Variants in EIF4G3 observed in about 807,000 individuals in gnomAD.
EIF4G3 encodes the protein eukaryotic translation initiation factor 4 gamma 3, also known as eIF-4-gamma 3.
Under a neutral mutation model 186.4 loss-of-function variants are expected in EIF4G3, and 34 were observed. The ratio of observed to expected loss-of-function variants is 0.18; its 90% CI spans 0.14 to 0.24. The LOEUF (loss-of-function observed/expected upper bound fraction) is 0.24, where lower values mean the gene tolerates loss of function less well. Among genes scored for constraint, EIF4G3 ranks in the 10% least tolerant of loss-of-function variants. EIF4G3 has a pLI of 1.00. For synonymous variants in EIF4G3, 673 were observed against 679.5 expected, an observed-to-expected ratio of 0.99 and a Z score of 0.15; for missense variants, 1,536 against 1,948.5, an observed-to-expected ratio of 0.79 and a Z score of 3.99.
intron 20 of EIF4G3, 58 bp downstream of exon 20, chr1:20,879,265 G>A: frequency 7.4e-7 from 1 of 1,360,460 alleles, no homozygotes; most frequent in South Asian, 1.7e-5. Context: ...AGAATGTGTA[G>A]TGAGGGGAGA....
rs1012133672 is a variant in EIF4G3 at position 20,806,806 on chromosome 1, A to T, written c.*513T>A. 1.3e-5 allele frequency: 2 copies of T among 152,382 alleles called. No homozygotes were observed. The highest frequency in any genetic ancestry group is 4.8e-5 in the African/African-American group (2 of 41,400). The allele number at this position is 152,382 out of a possible 1,614,324, so 9.4% of individuals were successfully genotyped here. A position where few individuals can be genotyped will look rare whatever the true frequency, so the allele number is the denominator to read the frequency against. On this transcript the variant is annotated 3_prime_UTR_variant, in exon 37 of 37. Transcript: ENST00000602326. ...AAGATTTGATGCCAAAAAAAAAAAA[A>T]TCTTTCTTACCTTGTTCACCCCAAA...
chr1:21,130,167 T>A (rs989763201), intron 2 of EIF4G3, among the ~76,000 whole-genome samples: 10 of 149,580 alleles, frequency 6.7e-5, no homozygotes, highest in Non-Finnish European at 1.0e-4. Context: ...GAGGATCACA[T>A]GAGCCCAAGA....
At chr1:20,908,945 T>A (rs559560614) in intron 14 of EIF4G3, among the ~76,000 whole-genome samples, 1 of 152,052 alleles carries the variant, frequency 6.6e-6, no homozygotes, top group East Asian at 1.9e-4. Flanking sequence ...AGGTCAAGAG[T>A]TCGAGACCAG....
chr1:20,849,256 G>A (rs563585339), intron 29 of EIF4G3, among the ~76,000 whole-genome samples, 159 bp downstream of exon 29: 1 of 152,146 alleles, frequency 6.6e-6, no homozygotes, highest in Admixed American at 6.5e-5. Context: ...GTACTTGGCA[G>A]AAATGCATCA....
chr1:20,888,710 C>G (rs16824804), intron 18 of EIF4G3, among the ~76,000 whole-genome samples: 2 of 151,950 alleles, frequency 1.3e-5, no homozygotes, highest in African/African-American at 4.8e-5. Flanking sequence ...AGGATATAAA[C>G]CATGTAAAAG....
intron 25 of EIF4G3, among the ~76,000 whole-genome samples, chr1:20,855,773 C>T (rs1242123023): frequency 6.6e-6 from 1 of 152,178 alleles, no homozygotes; most frequent in African/African-American, 2.4e-5. Flanking sequence ...TATGCTTTCA[C>T]ACAAACCACT....
chr1:21,130,292 T>C (rs1010887820), intron 2 of EIF4G3, among the ~76,000 whole-genome samples: 6 of 145,686 alleles, frequency 4.1e-5, no homozygotes, highest in Admixed American at 1.4e-4. Context: ...TGGGGCAATC[T>C]TGGCTCACTG....
intron 14 of EIF4G3, among the ~76,000 whole-genome samples, chr1:20,937,299 C>A (rs182183500): frequency 6.6e-6 from 1 of 152,188 alleles, no homozygotes; most frequent in Non-Finnish European, 1.5e-5. Context: ...CCAAGCCATA[C>A]GGTATGGCTG....
intron 22 of EIF4G3, among the ~76,000 whole-genome samples, chr1:20,862,975 T>C (rs2076685636): frequency 1.3e-5 from 2 of 151,832 alleles, no homozygotes; most frequent in African/African-American, 4.8e-5. Context: ...TTTTTGGACA[T>C]AGGAAATCTC....
At chr1:20,904,202 T>C (rs1213115181) in intron 15 of EIF4G3, among the ~76,000 whole-genome samples, 3 of 152,208 alleles carry the variant, frequency 2.0e-5, no homozygotes, top group Non-Finnish European at 4.4e-5. Context: ...ATCAATTCCT[T>C]TATAATGTAC....
intron 12 of EIF4G3, among the ~76,000 whole-genome samples, chr1:20,950,399 T>C (rs879195833): frequency 3.3e-5 from 5 of 152,104 alleles, no homozygotes; most frequent in African/African-American, 9.7e-5. Flanking sequence ...TATTCCCCAG[T>C]GTTCCTTCTA....
intron 2 of EIF4G3, among the ~76,000 whole-genome samples, chr1:21,147,430 T>A (rs2097464649): frequency 6.6e-6 from 1 of 151,450 alleles, no homozygotes. Flanking sequence ...AACCTCCACC[T>A]CCCGGGTTCA....
chr1:21,161,676 G>A (rs2097768396), intron 2 of EIF4G3: 1 of 151,950 alleles, frequency 6.6e-6, no homozygotes, highest in Middle Eastern at 3.4e-3. Flanking sequence ...GTAAAAGTTG[G>A]AGATAGGCCG....
intron 12 of EIF4G3, among the ~76,000 whole-genome samples, chr1:20,956,088 C>A (rs1002313224): frequency 7.2e-5 from 11 of 152,148 alleles, no homozygotes; most frequent in Non-Finnish European, 1.5e-4. Context: ...AATAATTCCA[C>A]TGAATTCTAA....
intron 2 of EIF4G3, among the ~76,000 whole-genome samples, chr1:21,170,730 C>T (rs1442550715): frequency 1.3e-5 from 2 of 150,186 alleles, no homozygotes; most frequent in East Asian, 4.0e-4. Flanking sequence ...AGCTAACACC[C>T]GTAATCCCAG....
At chr1:21,016,767 A>G (rs1353846857) in intron 4 of EIF4G3, among the ~76,000 whole-genome samples, 1 of 152,146 alleles carries the variant, frequency 6.6e-6, no homozygotes, top group Non-Finnish European at 1.5e-5. Flanking sequence ...CAGGAGTTCA[A>G]GACCAGCCTG....
intron 16 of EIF4G3, among the ~76,000 whole-genome samples, chr1:20,897,360 G>T (rs1199884264): frequency 1.3e-5 from 2 of 150,968 alleles, no homozygotes; most frequent in Non-Finnish European, 2.9e-5. Flanking sequence ...TACAACCCTT[G>T]GCTTCATAAA....
intron 4 of EIF4G3, among the ~76,000 whole-genome samples, chr1:21,027,507 G>C (rs1049417425): frequency 6.6e-6 from 1 of 151,888 alleles, no homozygotes; most frequent in African/African-American, 2.4e-5. Flanking sequence ...GCACGGGCCT[G>C]TAGTCCCAGA....
intron 3 of EIF4G3, among the ~76,000 whole-genome samples, chr1:21,051,295 T>TG (rs1290416535): frequency 1.3e-5 from 2 of 152,164 alleles, no homozygotes; most frequent in East Asian, 3.8e-4. Context: ...ACAAACTGTA[T>TG]GATACCATTT....
Sources: gnomAD v4.1 joint callset for allele counts (sites outside exome capture counted in the v4.1 genomes callset) on GRCh38, gnomAD v4.1.1 for gene constraint, MANE v1.5 for transcripts, NCBI Gene and HGNC (gene_info 2026-07-23, HGNC 2026-07-21) for gene names.